ZFHX3: variants seen among roughly 807,000 people sequenced by gnomAD.
ZFHX3 encodes zinc finger homeobox protein 3.
A neutral mutation model predicts 279.1 loss-of-function variants in ZFHX3; 42 were observed. The observed-to-expected ratio is 0.15, with a 90% CI of 0.12 to 0.19. The LOEUF (loss-of-function observed/expected upper bound fraction) is 0.19, where lower values mean the gene tolerates loss of function less well. Ranked by LOEUF, ZFHX3 falls within the 10% of genes least tolerant of loss-of-function variation. The pLI is 1.00. For missense variants in ZFHX3, 4,981 were observed against 4,754.0 expected, an observed-to-expected ratio of 1.05 and a Z score of -1.40; for synonymous variants, 2,293 against 1,957.8, an observed-to-expected ratio of 1.17 and a Z score of -4.52.
At chr16:73,776,017 C>G (rs1959235095) in intron 1 of ZFHX3, among the ~76,000 whole-genome samples, 1 of 152,184 alleles carries the variant, frequency 6.6e-6, no homozygotes, top group African/African-American at 2.4e-5. Context: ...GCTTTTGTGT[C>G]TGGCTCTTAA....
intron 6 of ZFHX3, among the ~76,000 whole-genome samples, chr16:73,132,162 G>A (rs1966696808): frequency 6.6e-6 from 1 of 152,160 alleles, no homozygotes; most frequent in Non-Finnish European, 1.5e-5. Flanking sequence ...GCACACAACT[G>A]TAGTCCCAGC....
chr16:73,286,446 A>C (rs546447036), intron 4 of ZFHX3, among the ~76,000 whole-genome samples: 2 of 152,320 alleles, frequency 1.3e-5, no homozygotes, highest in African/African-American at 4.8e-5. Flanking sequence ...CCTTAAGTAC[A>C]AGACTTGATT....
intron 1 of ZFHX3, among the ~76,000 whole-genome samples, chr16:73,870,262 A>T (rs1378930384): frequency 6.6e-6 from 1 of 152,190 alleles, no homozygotes; most frequent in Non-Finnish European, 1.5e-5. Context: ...ACCACTGGGC[A>T]TTAGACAAGC....
At chr16:73,452,384 A>G (rs900076663) in intron 3 of ZFHX3, among the ~76,000 whole-genome samples, 3 of 152,154 alleles carry the variant, frequency 2.0e-5, no homozygotes, top group African/African-American at 7.2e-5. Context: ...TATAAAAATC[A>G]CCTTTTTATT....
chr16:72,907,545 T>TTGTGTG (rs547618913), intron 3 of ZFHX3, among the ~76,000 whole-genome samples: 4,546 of 120,256 alleles, frequency 0.038, 153 homozygotes, highest in African/African-American at 0.061. Context: ...TTTCCTCTAT[T>TTGTGTG]TGTGTGTGTG....
chr16:73,792,903 G>A (rs1050159965), intron 1 of ZFHX3, among the ~76,000 whole-genome samples: 4 of 139,348 alleles, frequency 2.9e-5, no homozygotes, highest in Non-Finnish European at 6.0e-5. Context: ...AACAGATGTA[G>A]CAACTTCTGT....
At chr16:72,957,372 TTCTC>T in intron 2 of ZFHX3, 51 bp downstream of exon 2, 12 of 1,537,900 alleles carry the variant, frequency 7.8e-6, no homozygotes, top group Non-Finnish European at 8.7e-6. Flanking sequence ...CTATTCACCA[TTCTC>T]CCTGGTTAAA....
intron 1 of ZFHX3, among the ~76,000 whole-genome samples, chr16:73,849,891 C>A (rs1276094320): frequency 6.6e-6 from 1 of 152,190 alleles, no homozygotes; most frequent in Non-Finnish European, 1.5e-5. Flanking sequence ...TGCCACCATG[C>A]CCGGCTAATT....
At chr16:73,739,531 G>C (rs530503440) in intron 1 of ZFHX3, among the ~76,000 whole-genome samples, 1 of 152,178 alleles carries the variant, frequency 6.6e-6, no homozygotes, top group African/African-American at 2.4e-5. Flanking sequence ...TGATGCTGTA[G>C]GAGATGAGGT....
chr16:73,660,339 C>T (rs1310711718), intron 2 of ZFHX3, among the ~76,000 whole-genome samples: 2 of 152,172 alleles, frequency 1.3e-5, no homozygotes, highest in Admixed American at 6.5e-5. Flanking sequence ...CAAACCCACA[C>T]TAAATTGATT....
intron 5 of ZFHX3, among the ~76,000 whole-genome samples, chr16:73,230,417 T>A (rs2012736900): frequency 6.6e-6 from 1 of 152,184 alleles, no homozygotes; most frequent in Non-Finnish European, 1.5e-5. Context: ...TGAAGTTTCA[T>A]AATAAGTGTC....
chr16:72,848,323 C>A (rs2037528569), intron 4 of ZFHX3, among the ~76,000 whole-genome samples: 2 of 152,116 alleles, frequency 1.3e-5, no homozygotes, highest in Non-Finnish European at 2.9e-5. Context: ...TATTCACGAG[C>A]CCTATTGATC....
intron 2 of ZFHX3, chr16:73,609,477 T>C (rs994282963): frequency 1.6e-4 from 25 of 152,332 alleles, no homozygotes; most frequent in African/African-American, 5.8e-4. Context: ...AGAAAGGAGT[T>C]TTCCTTTAGA....
intron 1 of ZFHX3, among the ~76,000 whole-genome samples, chr16:73,055,979 T>C (rs1220864708): frequency 1.3e-5 from 2 of 152,078 alleles, no homozygotes; most frequent in African/African-American, 4.8e-5. Flanking sequence ...GAGAAATCAA[T>C]AGGAAAGAGC....
intron 2 of ZFHX3, among the ~76,000 whole-genome samples, chr16:73,593,973 C>T (rs867235078): frequency 3.3e-5 from 5 of 152,014 alleles, no homozygotes; most frequent in East Asian, 3.9e-4. Context: ...CTATGTGAAA[C>T]GGGGATTAAG....
At chr16:72,929,955 C>A (rs1012880547) in intron 3 of ZFHX3, among the ~76,000 whole-genome samples, 1 of 152,222 alleles carries the variant, frequency 6.6e-6, no homozygotes, top group Admixed American at 6.5e-5. Flanking sequence ...CGGTGGCTCA[C>A]GCCTGTAATC....
At chr16:73,443,293 G>T (rs561974267) in intron 3 of ZFHX3, among the ~76,000 whole-genome samples, 1 of 152,334 alleles carries the variant, frequency 6.6e-6, no homozygotes, top group South Asian at 2.1e-4. Flanking sequence ...CAGCTTTGTG[G>T]ATGGAAGTTA....
intron 3 of ZFHX3, among the ~76,000 whole-genome samples, chr16:72,936,341 C>G (rs1713954414): frequency 6.6e-6 from 1 of 152,210 alleles, no homozygotes; most frequent in Non-Finnish European, 1.5e-5. Flanking sequence ...CTGTTCTAAG[C>G]ATTAGGGACA....
chr16:73,634,344 C>G (rs1057107730), intron 2 of ZFHX3, among the ~76,000 whole-genome samples: 1 of 150,388 alleles, frequency 6.6e-6, no homozygotes, highest in Admixed American at 6.6e-5. Flanking sequence ...GAAGAATTAG[C>G]TGAAATTTAA....
Sources: gnomAD v4.1 joint callset for allele counts (sites outside exome capture counted in the v4.1 genomes callset) on GRCh38, gnomAD v4.1.1 for gene constraint, MANE v1.5 for transcripts, NCBI Gene and HGNC (gene_info 2026-07-23, HGNC 2026-07-21) for gene names.